Variants in PTPRD observed in about 807,000 individuals in gnomAD.
PTPRD encodes protein tyrosine phosphatase receptor type D, also known as receptor-type tyrosine-protein phosphatase delta.
PTPRD carries 34 observed loss-of-function variants against 214.5 expected under a neutral mutation model. The observed-to-expected ratio is 0.16, with a 90% CI of 0.12 to 0.21. The LOEUF is 0.21. PTPRD is among the 10% of genes least tolerant of loss of function. PTPRD has a pLI of 1.00. For synonymous variants in PTPRD, 1,128 were observed against 845.7 expected (o/e 1.33, Z -5.79); for missense variants, 2,545 against 2,398.7 (o/e 1.06, Z -1.27).
At chr9:8,529,934 G>A in intron 14 of PTPRD, among the ~76,000 whole-genome samples, 1 of 151,984 alleles carries the variant, frequency 6.6e-6, no homozygotes, top group Non-Finnish European at 1.5e-5. Context: ...ATTGAGTCTG[G>A]CATTGATTTA....
At chr9:10,161,628 T>C (rs1041300875) in intron 3 of PTPRD, among the ~76,000 whole-genome samples, 1 of 151,766 alleles carries the variant, frequency 6.6e-6, no homozygotes, top group Admixed American at 6.6e-5. Context: ...TTCAGGGCAA[T>C]GGTTTGGGCA....
intron 43 of PTPRD, among the ~76,000 whole-genome samples, chr9:8,333,412 A>G (rs1587883730): frequency 6.6e-6 from 1 of 152,334 alleles, no homozygotes; most frequent in African/African-American, 2.4e-5. Flanking sequence ...CTGTTTAACA[A>G]TACTGTAATT....
chr9:9,039,846 C>T (rs542037142), intron 10 of PTPRD, among the ~76,000 whole-genome samples: 1 of 152,106 alleles, frequency 6.6e-6, no homozygotes, highest in South Asian at 2.1e-4. Context: ...TCTGTGTAGA[C>T]TAACAATTAC....
chr9:8,771,419 C>A (rs1033737858), intron 11 of PTPRD, among the ~76,000 whole-genome samples: 1 of 152,210 alleles, frequency 6.6e-6, no homozygotes, highest in Admixed American at 6.6e-5. Flanking sequence ...CTTAATATAT[C>A]TAACAGTAGT....
chr9:9,075,720 T>A (rs528728875), intron 10 of PTPRD, among the ~76,000 whole-genome samples: 1 of 152,308 alleles, frequency 6.6e-6, no homozygotes, highest in South Asian at 2.1e-4. Flanking sequence ...TTCATCCATG[T>A]CCCTACCAAG....
At position 10,273,648 on chromosome 9, in the gene PTPRD, G is replaced by C. The variant is rs75464880; in HGVS notation, c.-545+67315C>G. Among the ~76,000 whole-genome samples, 27 of 152,200 alleles carry C rather than the reference G, an allele frequency of 1.8e-4. No individual in the cohort carries two copies. The East Asian group carries it at 4.4e-3, about 25-fold the overall frequency. On this transcript the variant is annotated intron_variant, in intron 3 of 45. Coordinates refer to ENST00000381196, the MANE Select transcript of PTPRD (RefSeq NM_002839.4). ...CACAGTACAGAAATTGATAGAAATA[G>C]AGAATGACTTCTTTATTCAAAGAAC...
At position 9,841,800 on chromosome 9, in the gene PTPRD, A is replaced by G. The variant is rs191094379; in HGVS notation, c.-367-74949T>C. Among the ~76,000 whole-genome samples the G allele has an allele frequency of 1.1e-4, 16 of 152,246 alleles. No homozygotes were observed. The East Asian group carries it at 3.1e-3, about 29-fold the overall frequency. ...AATGCATAACCCATACACACATGCC[A>G]TAAGGACATTCATGTACCTTAGGTT... On this transcript the variant is annotated intron_variant, in intron 5 of 45. Transcript: ENST00000381196.
intron 4 of PTPRD, among the ~76,000 whole-genome samples, chr9:10,010,995 G>C (rs1007111408): frequency 3.9e-5 from 6 of 151,910 alleles, no homozygotes; most frequent in African/African-American, 1.4e-4. Context: ...ATTTCATCTG[G>C]TTAGGACATG....
At chr9:9,928,064 A>T (rs907383429) in intron 5 of PTPRD, among the ~76,000 whole-genome samples, 2 of 152,138 alleles carry the variant, frequency 1.3e-5, no homozygotes, top group Admixed American at 1.3e-4. Flanking sequence ...TCTTCTGATC[A>T]TTTTCAATAT....
At chr9:9,678,934 T>C (rs2096997402) in intron 7 of PTPRD, among the ~76,000 whole-genome samples, 1 of 151,842 alleles carries the variant, frequency 6.6e-6, no homozygotes, top group Admixed American at 6.6e-5. Context: ...GAAAATGAAG[T>C]CCACCTTGTG....
intron 7 of PTPRD, among the ~76,000 whole-genome samples, chr9:9,711,171 T>C (rs568094229): frequency 1.1e-4 from 16 of 152,340 alleles, no homozygotes; most frequent in Non-Finnish European, 1.3e-4. Flanking sequence ...ATAGCTCATA[T>C]TTATTTTAAT....
chr9:9,954,297 CAAAAAAAAAAAAAAAA>C (rs781628679), intron 4 of PTPRD, among the ~76,000 whole-genome samples: 1 of 53,752 alleles, frequency 1.9e-5, no homozygotes, highest in Non-Finnish European at 4.5e-5. Flanking sequence ...TGTCTCAAAA[CAAAAAAAAAAAAAAAA>C]AAAAAAAAAA....
At chr9:8,701,767 A>G (rs1326182963) in intron 12 of PTPRD, among the ~76,000 whole-genome samples, 1 of 152,192 alleles carries the variant, frequency 6.6e-6, no homozygotes, top group Non-Finnish European at 1.5e-5. Flanking sequence ...ATCTCCCTGA[A>G]TACTCTGATG....
intron 14 of PTPRD, among the ~76,000 whole-genome samples, chr9:8,571,421 A>T (rs557635830): frequency 1.1e-4 from 16 of 152,280 alleles, no homozygotes; most frequent in South Asian, 1.0e-3. Flanking sequence ...AACAAAGACC[A>T]GTAACTGAGA....
At chr9:10,124,571 T>A (rs10121937) in intron 3 of PTPRD, among the ~76,000 whole-genome samples, 12,644 of 152,232 alleles carry the variant, frequency 0.083, 690 homozygotes, top group Admixed American at 0.17. Context: ...TCCTTAGACC[T>A]CTTTCTTATC....
intron 26 of PTPRD, among the ~76,000 whole-genome samples, chr9:8,494,556 C>G (rs2097218750): frequency 6.6e-6 from 1 of 152,160 alleles, no homozygotes; most frequent in Non-Finnish European, 1.5e-5. Context: ...CCTCACATGC[C>G]ACTGGAGTAC....
intron 9 of PTPRD, among the ~76,000 whole-genome samples, chr9:9,235,044 A>C (rs1196865821): frequency 1.3e-5 from 2 of 152,142 alleles, no homozygotes; most frequent in African/African-American, 2.4e-5. Flanking sequence ...GTAATTTATA[A>C]AGAAAAGAGG....
At chr9:10,006,398 A>G (rs2096477145) in intron 4 of PTPRD, among the ~76,000 whole-genome samples, 1 of 151,920 alleles carries the variant, frequency 6.6e-6, no homozygotes, top group African/African-American at 2.4e-5. Context: ...CTTACTTAAA[A>G]TTTATTTTTC....
chr9:9,151,416 T>G (rs1000320102), intron 10 of PTPRD, among the ~76,000 whole-genome samples: 21 of 151,934 alleles, frequency 1.4e-4, no homozygotes, highest in Admixed American at 5.3e-4. Flanking sequence ...TAAGTGGGAG[T>G]GGACTCCTGA....
Sources: allele counts gnomAD v4.1 joint callset (sites outside exome capture counted in the v4.1 genomes callset), GRCh38; gene constraint gnomAD v4.1.1; transcripts MANE v1.5; gene names NCBI Gene and HGNC (gene_info 2026-07-23, HGNC 2026-07-21).